Variants in CAP2 observed in about 807,000 individuals in gnomAD.
CAP2 encodes the protein adenylyl cyclase-associated protein 2.
A neutral mutation model predicts 57.7 loss-of-function variants in CAP2; 24 were observed. The ratio of observed to expected loss-of-function variants is 0.42; its 90% CI spans 0.30 to 0.58. The LOEUF is 0.58. Among genes scored for constraint, CAP2 ranks in the 20% least tolerant of loss-of-function variants. The probability of loss-of-function intolerance (pLI) is 0.22; values close to 1 mark genes in which losing one functional copy is unlikely to be tolerated. For synonymous variants in CAP2, 194 were observed against 207.2 expected (o/e 0.94, Z 0.55); for missense variants, 501 against 590.3 (o/e 0.85, Z 1.57).
rs142106051 is a variant in CAP2 at position 17,507,858 on chromosome 6, A to G, written c.530+132A>G. The G allele has an allele frequency of 5.6e-6, 3 of 535,898 alleles. No homozygotes were observed. In the East Asian group the frequency reaches 8.7e-5, roughly 16 times the overall value. 33.2% of individuals were successfully genotyped at this position (535,898 alleles called of 1,614,324 possible). ...TAATGTACTATAAACTTTAAAGGAA[A>G]ATCTAATCTTTGCAGATAAAGTCAA... is the stretch of plus-strand genomic sequence containing the variant. On this transcript the variant is annotated intron_variant, in intron 6 of 12. Coordinates refer to ENST00000229922, the MANE Select transcript of CAP2 (RefSeq NM_006366.3).
intron 4 of CAP2, among the ~76,000 whole-genome samples, chr6:17,500,228 A>C (rs1344008146): frequency 6.7e-6 from 1 of 150,204 alleles, no homozygotes; most frequent in African/African-American, 2.4e-5. Flanking sequence ...ACCAAAGCAA[A>C]AGTTAACTCA....
At chr6:17,423,930 T>C (rs951637165) in intron 2 of CAP2, among the ~76,000 whole-genome samples, 2 of 152,190 alleles carry the variant, frequency 1.3e-5, no homozygotes, top group Non-Finnish European at 2.9e-5. Context: ...CCTTAAAACA[T>C]TTTACTAATC....
chr6:17,517,158 T>C (rs891452823), intron 7 of CAP2, among the ~76,000 whole-genome samples: 3 of 152,358 alleles, frequency 2.0e-5, no homozygotes, highest in African/African-American at 7.2e-5. Flanking sequence ...TAGATCATTA[T>C]TAGAGAACAG....
intron 4 of CAP2, among the ~76,000 whole-genome samples, chr6:17,470,426 T>C (rs989566334): frequency 2.6e-5 from 4 of 152,228 alleles, no homozygotes; most frequent in African/African-American, 9.6e-5. Context: ...CTGACTGCTT[T>C]AGCAAAAAGT....
intron 12 of CAP2, among the ~76,000 whole-genome samples, 159 bp from the exon 13 acceptor site, chr6:17,556,200 G>A (rs748353921): frequency 1.8e-4 from 27 of 152,118 alleles, no homozygotes; most frequent in Admixed American, 3.3e-4. Flanking sequence ...AAGTCTCCAC[G>A]TGACAAAGAC....
intron 4 of CAP2, among the ~76,000 whole-genome samples, chr6:17,495,768 T>TA (rs1761647546): frequency 6.6e-6 from 1 of 151,996 alleles, no homozygotes; most frequent in South Asian, 2.1e-4. Flanking sequence ...CTTTTTTCCT[T>TA]AAAAAGCCTG....
chr6:17,511,734 G>A lies in CAP2; in HGVS notation c.531-2115G>A, dbSNP rs138502319. 2.2e-4 allele frequency among the ~76,000 whole-genome samples: 33 copies of A among 152,294 alleles called. No homozygotes were observed. In the East Asian group the frequency reaches 6.0e-3, roughly 28 times the overall value. On this transcript the variant is annotated intron_variant, in intron 6 of 12. Transcript: ENST00000229922. ...CTCCGAAAGTACTGAGATTATAGGC[G>A]TAAGCCACCCCGCCCGGCCTGGTTC... is the stretch of plus-strand genomic sequence containing the variant.
chr6:17,457,749 T>A (rs1290639949), intron 3 of CAP2, among the ~76,000 whole-genome samples: 1 of 152,240 alleles, frequency 6.6e-6, no homozygotes, highest in African/African-American at 2.4e-5. Flanking sequence ...TTGGCCATCT[T>A]TGCTCATCAG....
chr6:17,462,614 G>T (rs887513981), intron 3 of CAP2, among the ~76,000 whole-genome samples: 4 of 152,042 alleles, frequency 2.6e-5, no homozygotes, highest in Non-Finnish European at 5.9e-5. Flanking sequence ...CTATAGATTT[G>T]CTTCTCCTGG....
intron 3 of CAP2, among the ~76,000 whole-genome samples, chr6:17,430,037 C>T (rs1171207257): frequency 1.3e-5 from 2 of 152,162 alleles, no homozygotes; most frequent in African/African-American, 4.8e-5. Flanking sequence ...CACAAATGTG[C>T]ATCATATTAA....
chr6:17,543,081 C>G lies in CAP2; in HGVS notation c.1147C>G (p.Leu383Val). The change falls in exon 11 of 13, where the codon CTG becomes GTG. Residue 383 changes from leucine (L) to valine (V), a missense_variant. By Grantham distance (32) the Leu-to-Val change is conservative. Transcript: ENST00000229922. ...CACAGACAACTGTAAAAAACTCGGC[C>G]TGGTGTTTGACAATGTGGTGGGCAT... ...IIIDNCKKLG[L>V]VFDNVVGIVE... 6.2e-7 allele frequency: 1 copy of G among 1,614,044 alleles called. No individual in the cohort carries two copies.
intron 1 of CAP2, among the ~76,000 whole-genome samples, chr6:17,413,307 T>G (rs1274551904): frequency 6.6e-6 from 1 of 152,168 alleles, no homozygotes; most frequent in Non-Finnish European, 1.5e-5. Flanking sequence ...GAAACATCTT[T>G]GCAATAAAAA....
chr6:17,511,309 C>T (rs1300996799), intron 6 of CAP2, among the ~76,000 whole-genome samples: 3 of 152,112 alleles, frequency 2.0e-5, no homozygotes, highest in Admixed American at 1.3e-4. Context: ...TTGTGCGTCA[C>T]TGCTGCCCAC....
chr6:17,452,039 A>C (rs2113579727), intron 3 of CAP2, among the ~76,000 whole-genome samples: 1 of 152,314 alleles, frequency 6.6e-6, no homozygotes, highest in South Asian at 2.1e-4. Flanking sequence ...AGTCTAAAAA[A>C]CCCAATCATT....
chr6:17,489,045 A>G (rs1327611259), intron 4 of CAP2, among the ~76,000 whole-genome samples: 1 of 152,222 alleles, frequency 6.6e-6, no homozygotes, highest in African/African-American at 2.4e-5. Context: ...TCCGGCAAAC[A>G]CAGGAAAATA....
chr6:17,472,626 A>G (rs1179189823), intron 4 of CAP2, among the ~76,000 whole-genome samples: 1 of 152,202 alleles, frequency 6.6e-6, no homozygotes, highest in Non-Finnish European at 1.5e-5. Context: ...TGGCAAGAGA[A>G]TTACCTTGGT....
At chr6:17,487,772 A>C (rs895027724) in intron 4 of CAP2, among the ~76,000 whole-genome samples, 1 of 151,406 alleles carries the variant, frequency 6.6e-6, no homozygotes, top group African/African-American at 2.4e-5. Context: ...CACCTGGCCC[A>C]GTTTTTTTTG....
intron 3 of CAP2, among the ~76,000 whole-genome samples, chr6:17,452,484 C>T (rs1377742811): frequency 6.6e-6 from 1 of 152,166 alleles, no homozygotes; most frequent in African/African-American, 2.4e-5. Flanking sequence ...GGGAACCCAA[C>T]AAGTCATAGC....
chr6:17,469,857 G>T (rs1760973030), intron 4 of CAP2, among the ~76,000 whole-genome samples: 1 of 152,096 alleles, frequency 6.6e-6, no homozygotes, highest in Non-Finnish European at 1.5e-5. Flanking sequence ...TCTCCATAAG[G>T]ATTTTCTAAG....
Sources: gnomAD v4.1 joint callset for allele counts (sites outside exome capture counted in the v4.1 genomes callset) on GRCh38, gnomAD v4.1.1 for gene constraint, MANE v1.5 for transcripts, NCBI Gene and HGNC (gene_info 2026-07-23, HGNC 2026-07-21) for gene names.